Variants in CNBD1 observed in about 807,000 individuals in gnomAD.
CNBD1 encodes cyclic nucleotide-binding domain-containing protein 1.
Under a neutral mutation model 54.4 loss-of-function variants are expected in CNBD1, and 71 were observed. The ratio of observed to expected loss-of-function variants is 1.30; its 90% CI spans 1.08 to 1.59. The LOEUF is 1.59. Ranked by LOEUF, CNBD1 falls within the 40% of genes most tolerant of loss-of-function variation. CNBD1 has a pLI of 0.00. For missense variants in CNBD1, 659 were observed against 518.0 expected, an observed-to-expected ratio of 1.27 and a Z score of -2.64; for synonymous variants, 182 against 170.7, an observed-to-expected ratio of 1.07 and a Z score of -0.51.
chr8:87,251,150 A>G (rs927276965), intron 6 of CNBD1, among the ~76,000 whole-genome samples: 3 of 151,948 alleles, frequency 2.0e-5, no homozygotes, highest in Non-Finnish European at 4.4e-5. Flanking sequence ...ATTAAATAAA[A>G]ATTATAAATT....
At position 87,166,773 on chromosome 8, in the gene CNBD1, CT is replaced by C. The variant is rs1812972257; in HGVS notation, c.432-39218del. 6.6e-6 allele frequency among the ~76,000 whole-genome samples: 1 copy of C among 151,878 alleles called. No homozygotes were observed. The highest frequency in any genetic ancestry group is 2.4e-5 in the African/African-American group (1 of 41,396). On this transcript the variant is annotated intron_variant, in intron 4 of 10. Coordinates refer to ENST00000518476, the MANE Select transcript of CNBD1 (RefSeq NM_173538.3). This position sits in a 1 kb window ranked among gnomAD's most constrained non-coding sequence, Gnocchi z 4.3. ...GCCTCCGTTGCATATTTTGTTTACC[CT>C]TGCATTTCTCTGAGAGATGCCTGCT... is the stretch of plus-strand genomic sequence containing the variant.
intron 8 of CNBD1, among the ~76,000 whole-genome samples, chr8:87,323,615 G>T (rs1255106394): frequency 1.9e-4 from 25 of 130,382 alleles, no homozygotes; most frequent in East Asian, 8.1e-4. Context: ...TCTGTTGCTG[G>T]TGTATAAGAA....
chr8:87,220,880 A>C (rs1814319029), intron 5 of CNBD1, among the ~76,000 whole-genome samples: 1 of 152,096 alleles, frequency 6.6e-6, no homozygotes, highest in African/African-American at 2.4e-5. Context: ...AGTTGTCTAC[A>C]AATGATCAGA....
At chr8:87,300,654 C>A (rs1042438635) in intron 8 of CNBD1, among the ~76,000 whole-genome samples, 1 of 151,582 alleles carries the variant, frequency 6.6e-6, no homozygotes, top group African/African-American at 2.4e-5. Context: ...GTAGTCCCAG[C>A]TACTCAGGAG....
intron 2 of CNBD1, among the ~76,000 whole-genome samples, chr8:87,414,435 A>C (rs1412090777): frequency 6.6e-6 from 1 of 152,034 alleles, no homozygotes; most frequent in Admixed American, 6.6e-5. Context: ...TGACAAGTTA[A>C]TGGGTGCAGC....
chr8:87,292,128 T>C (rs954997186), intron 8 of CNBD1, among the ~76,000 whole-genome samples: 2 of 152,224 alleles, frequency 1.3e-5, no homozygotes, highest in African/African-American at 4.8e-5. Context: ...ATTAATACAT[T>C]TATTGATAAA....
chr8:87,417,324 G>T (rs540285595), intron 2 of CNBD1, among the ~76,000 whole-genome samples: 1 of 151,834 alleles, frequency 6.6e-6, no homozygotes, highest in African/African-American at 2.4e-5. Flanking sequence ...GCCTCTACTG[G>T]GTCCCTCTCA....
At chr8:86,867,620 T>A (rs1808383803) in intron 1 of CNBD1, among the ~76,000 whole-genome samples, 1 of 152,196 alleles carries the variant, frequency 6.6e-6, no homozygotes, top group Admixed American at 6.5e-5. Context: ...TAATCTTGCA[T>A]CTGGTCAAAG....
intron 4 of CNBD1, among the ~76,000 whole-genome samples, chr8:86,982,977 CT>C (rs1418222751): frequency 6.6e-6 from 1 of 152,058 alleles, no homozygotes; most frequent in African/African-American, 2.4e-5. Flanking sequence ...GTATGAGTTT[CT>C]TAAAAAAAGT....
Position 87,387,985 on chromosome 8 carries a change from C to A in CNBD1, c.213+34199C>A, listed in dbSNP as rs549965526. On this transcript the variant is annotated intron_variant, in intron 2 of 7. Transcript: ENST00000521593. ...ACCGCTCAACTACATGGAAACTGAA[C>A]AACCTGCTCCTGAATGACTACTGGG... Among the ~76,000 whole-genome samples the A allele has an allele frequency of 3.8e-3, 581 of 152,268 alleles. 7 individuals are homozygous for A. Among genetic ancestry groups the A allele is most frequent in the African/African-American group, 0.013 (554 of 41,548 alleles).
chr8:87,160,622 A>G (rs888006372), intron 4 of CNBD1, among the ~76,000 whole-genome samples: 1 of 152,166 alleles, frequency 6.6e-6, no homozygotes, highest in Non-Finnish European at 1.5e-5. Context: ...GTCTTTGAGG[A>G]AGACTTTCTC....
chr8:87,151,775 G>C (rs1202228157), intron 4 of CNBD1, among the ~76,000 whole-genome samples: 1 of 152,092 alleles, frequency 6.6e-6, no homozygotes. Flanking sequence ...TTGAAAGGCT[G>C]TATTATAACA....
At chr8:86,979,552 G>C (rs1808424860) in intron 4 of CNBD1, among the ~76,000 whole-genome samples, 1 of 151,764 alleles carries the variant, frequency 6.6e-6, no homozygotes, top group South Asian at 2.1e-4. Context: ...ATCTACTTCA[G>C]CCTGGGTGGC....
chr8:87,379,142 T>G (rs894607081), intron 10 of CNBD1, among the ~76,000 whole-genome samples: 2 of 151,832 alleles, frequency 1.3e-5, no homozygotes, highest in Non-Finnish European at 2.9e-5. Context: ...TGAATACCCT[T>G]TATTTCCTTC....
At chr8:87,328,178 C>T (rs1359539913) in intron 8 of CNBD1, among the ~76,000 whole-genome samples, 1 of 151,988 alleles carries the variant, frequency 6.6e-6, no homozygotes, top group South Asian at 2.1e-4. Context: ...GATGTTCCCT[C>T]CCTGTGTCCA....
At chr8:87,179,313 C>A (rs926291744) in intron 4 of CNBD1, among the ~76,000 whole-genome samples, 1 of 151,978 alleles carries the variant, frequency 6.6e-6, no homozygotes, top group South Asian at 2.1e-4. Flanking sequence ...GTATAGAATT[C>A]GCTTTAAAAA....
chr8:87,359,582 C>T (rs77483175), intron 10 of CNBD1, among the ~76,000 whole-genome samples: 2,258 of 152,168 alleles, frequency 0.015, 56 homozygotes, highest in African/African-American at 0.049. Context: ...ATAATTTTCA[C>T]ATATGAAGAA....
chr8:87,220,702 T>C (rs1315529557), intron 5 of CNBD1, among the ~76,000 whole-genome samples: 1 of 152,032 alleles, frequency 6.6e-6, no homozygotes, highest in Non-Finnish European at 1.5e-5. Flanking sequence ...TATGTTATAC[T>C]TGATCAATCT....
At chr8:87,181,349 G>C (rs1050525975) in intron 4 of CNBD1, among the ~76,000 whole-genome samples, 5 of 152,084 alleles carry the variant, frequency 3.3e-5, no homozygotes, top group African/African-American at 1.2e-4. Context: ...ACAAATAACA[G>C]CTCCATCTCC....
Sources: gnomAD v4.1 joint callset for allele counts (sites outside exome capture counted in the v4.1 genomes callset) on GRCh38, gnomAD v4.1.1 for gene constraint, Gnocchi (gnomAD v3.1) non-coding constraint, MANE v1.5 for transcripts, NCBI Gene and HGNC (gene_info 2026-07-23, HGNC 2026-07-21) for gene names.